AHCYL2: variants seen among roughly 807,000 people sequenced by gnomAD.
AHCYL2 encodes S-adenosylhomocysteine hydrolase-like protein 2.
A neutral mutation model predicts 81.4 loss-of-function variants in AHCYL2; 28 were observed. That is an observed-to-expected ratio of 0.34 (90% confidence interval 0.25 to 0.47). The LOEUF (loss-of-function observed/expected upper bound fraction) is 0.47. Among genes scored for constraint, AHCYL2 ranks in the 20% least tolerant of loss-of-function variants. AHCYL2 has a pLI of 1.00. For missense variants in AHCYL2, 551 were observed against 785.1 expected (o/e 0.70, Z 3.56); for synonymous variants, 272 against 290.2 (o/e 0.94, Z 0.64).
intron 1 of AHCYL2, among the ~76,000 whole-genome samples, chr7:129,246,693 C>T (rs924401109): frequency 6.6e-6 from 1 of 152,042 alleles, no homozygotes; most frequent in Non-Finnish European, 1.5e-5. Flanking sequence ...GATGGGATAT[C>T]ATCTTGTTGC....
intron 1 of AHCYL2, among the ~76,000 whole-genome samples, chr7:129,354,402 T>C (rs567646850): frequency 6.6e-6 from 1 of 152,322 alleles, no homozygotes; most frequent in African/African-American, 2.4e-5. Context: ...AGGGATGTTA[T>C]AGCCAGACAT....
At chr7:129,232,054 A>G (rs991974237) in intron 1 of AHCYL2, among the ~76,000 whole-genome samples, 3 of 152,210 alleles carry the variant, frequency 2.0e-5, no homozygotes, top group Non-Finnish European at 2.9e-5. Flanking sequence ...TTCTCTGAGT[A>G]TAGGACTTTA....
intron 1 of AHCYL2, among the ~76,000 whole-genome samples, chr7:129,263,464 C>T (rs1795712230): frequency 6.6e-6 from 1 of 152,194 alleles, no homozygotes; most frequent in African/African-American, 2.4e-5. Flanking sequence ...ATAATAATGG[C>T]ATCTATTTAC....
chr7:129,239,083 T>A (rs1445766701), intron 1 of AHCYL2, among the ~76,000 whole-genome samples: 1 of 152,246 alleles, frequency 6.6e-6, no homozygotes, highest in Non-Finnish European at 1.5e-5. Flanking sequence ...GAGACTCATA[T>A]TTAAAACAAA....
intron 1 of AHCYL2, among the ~76,000 whole-genome samples, chr7:129,308,083 T>C (rs1797509126): frequency 6.6e-6 from 1 of 152,010 alleles, no homozygotes; most frequent in African/African-American, 2.4e-5. Flanking sequence ...AAGCACTCCC[T>C]TAGCCACCCT....
intron 1 of AHCYL2, among the ~76,000 whole-genome samples, chr7:129,357,124 T>G (rs1395399029): frequency 6.6e-6 from 1 of 152,146 alleles, no homozygotes; most frequent in African/African-American, 2.4e-5. Flanking sequence ...AAGGAAAGAC[T>G]GAGAAGCTAT....
At chr7:129,340,290 G>A (rs187427258) in intron 1 of AHCYL2, among the ~76,000 whole-genome samples, 23 of 149,744 alleles carry the variant, frequency 1.5e-4, no homozygotes, top group African/African-American at 5.1e-4. Context: ...TTTTCAGGCC[G>A]GGCGCGGTGG....
At chr7:129,289,009 T>G (rs937827969) in intron 1 of AHCYL2, among the ~76,000 whole-genome samples, 2 of 152,144 alleles carry the variant, frequency 1.3e-5, no homozygotes, top group Admixed American at 1.3e-4. Context: ...CCTGAACTCC[T>G]GGGCTCAAGC....
chr7:129,319,278 A>G (rs1797931931), intron 1 of AHCYL2, among the ~76,000 whole-genome samples: 1 of 152,070 alleles, frequency 6.6e-6, no homozygotes, highest in South Asian at 2.1e-4. Context: ...CAACATGGTG[A>G]CACCTGTCTC....
At chr7:129,356,729 G>C (rs1282268376) in intron 1 of AHCYL2, among the ~76,000 whole-genome samples, 1 of 152,116 alleles carries the variant, frequency 6.6e-6, no homozygotes, top group African/African-American at 2.4e-5. Context: ...AATGGAAACA[G>C]AGATCCTTAG....
At chr7:129,294,509 A>G (rs1004643443) in intron 1 of AHCYL2, among the ~76,000 whole-genome samples, 2 of 152,192 alleles carry the variant, frequency 1.3e-5, no homozygotes, top group Admixed American at 6.5e-5. Flanking sequence ...TGGTATATCA[A>G]TTTTTCTGAT....
Position 129,426,941 on chromosome 7 carries a change from G to A in AHCYL2, c.1830-98G>A, listed in dbSNP as rs1383357245. On this transcript the variant is annotated intron_variant, in intron 16 of 16. Transcript: ENST00000325006. This position sits in a 1 kb window ranked among gnomAD's most constrained non-coding sequence, Gnocchi z 4.3. ...TCCTGTCACTGTACACTCCAGAAAAGTCTCTGCCTCCCTGTTACACCTTTA... is the reference window on the plus strand; with the variant it reads ...TCCTGTCACTGTACACTCCAGAAAAATCTCTGCCTCCCTGTTACACCTTTA... The A allele has an allele frequency of 1.6e-6, 2 of 1,269,762 alleles. No homozygotes were observed. The highest frequency in any genetic ancestry group is 3.9e-5 in the Admixed American group (2 of 51,532). The allele number at this position is 1,269,762 out of a possible 1,614,324, so 78.7% of individuals were successfully genotyped here. A position where few individuals can be genotyped will look rare whatever the true frequency, so the allele number is the denominator to read the frequency against.
chr7:129,389,287 T>C, intron 3 of AHCYL2, 88 bp downstream of exon 3: 1 of 1,509,374 alleles, frequency 6.6e-7, no homozygotes, highest in African/African-American at 1.4e-5. Flanking sequence ...GTCTGGTAGC[T>C]TGTGAAATTT....
intron 1 of AHCYL2, among the ~76,000 whole-genome samples, chr7:129,250,262 G>A (rs1400443279): frequency 3.3e-5 from 5 of 152,230 alleles, no homozygotes. Context: ...GACAGAGTGA[G>A]ACCCTGTCTC....
chr7:129,361,812 A>C (rs1793940273), intron 1 of AHCYL2, among the ~76,000 whole-genome samples: 1 of 150,160 alleles, frequency 6.7e-6, no homozygotes, highest in African/African-American at 2.5e-5. Context: ...TTTTTAAGAG[A>C]TGGGGTTTTG....
At chr7:129,373,124 T>C (rs1425626741) in intron 1 of AHCYL2, among the ~76,000 whole-genome samples, 1 of 152,056 alleles carries the variant, frequency 6.6e-6, no homozygotes, top group Non-Finnish European at 1.5e-5. Context: ...AATTACAAAA[T>C]ACAAAATCTT....
In AHCYL2 at chr7:129,225,248, G is replaced by C. The variant is rs932217552; in HGVS notation, c.172G>C (p.Glu58Gln). ...GDPEAPAPAAERPPVPGPGSG... is the reference protein window; with the variant it reads ...GDPEAPAPAAQRPPVPGPGSG... ...CCCTGAGGCTCCAGCTCCCGCCGCG[G>C]AGCGGCCCCCGGTCCCCGGCCCGGG... Residue 58 changes from glutamate (E) to glutamine (Q), a missense_variant, in exon 1 of 17, where the codon GAG (glutamate) becomes CAG (glutamine). Physicochemically the swap from Glu to Gln is conservative, Grantham distance 29 (BLOSUM62 2). Coordinates refer to ENST00000325006, the MANE Select transcript of AHCYL2 (RefSeq NM_015328.4). 2 of 1,465,458 alleles carry C rather than the reference G, an allele frequency of 1.4e-6. No homozygotes were observed. The highest frequency in any genetic ancestry group is 1.3e-5 in the South Asian group (1 of 75,968). 90.8% of individuals were successfully genotyped at this position (1,465,458 alleles called of 1,614,324 possible). A position where few individuals can be genotyped will look rare whatever the true frequency, so the allele number is the denominator to read the frequency against.
At chr7:129,313,035 T>A (rs916637642) in intron 1 of AHCYL2, among the ~76,000 whole-genome samples, 2 of 152,216 alleles carry the variant, frequency 1.3e-5, no homozygotes, top group Non-Finnish European at 2.9e-5. Context: ...ACATATAATT[T>A]AATATGTTTG....
At chr7:129,267,139 A>G (rs1255725095) in intron 1 of AHCYL2, among the ~76,000 whole-genome samples, 2 of 152,152 alleles carry the variant, frequency 1.3e-5, no homozygotes, top group Admixed American at 6.5e-5. Flanking sequence ...AATCACACAA[A>G]TAGAAAATCT....
Sources: gnomAD v4.1 joint callset for allele counts (sites outside exome capture counted in the v4.1 genomes callset) on GRCh38, gnomAD v4.1.1 for gene constraint, Gnocchi (gnomAD v3.1) non-coding constraint, MANE v1.5 for transcripts, NCBI Gene and HGNC (gene_info 2026-07-23, HGNC 2026-07-21) for gene names.